FAM3C: variants seen among roughly 807,000 people sequenced by gnomAD.
FAM3C encodes protein FAM3C.
Under a neutral mutation model 32.5 loss-of-function variants are expected in FAM3C, and 15 were observed. The ratio of observed to expected loss-of-function variants is 0.46; its 90% CI spans 0.31 to 0.71. The LOEUF (loss-of-function observed/expected upper bound fraction) is 0.71. Among genes scored for constraint, FAM3C ranks in the 30% least tolerant of loss-of-function variants. The pLI, the probability that FAM3C is intolerant of heterozygous loss-of-function variation, is 0.05. For synonymous variants in FAM3C, 75 were observed against 86.1 expected, an observed-to-expected ratio of 0.87 and a Z score of 0.72; for missense variants, 175 against 274.4, an observed-to-expected ratio of 0.64 and a Z score of 2.56.
At chr7:121,375,767 C>T (rs548856938) in intron 3 of FAM3C, among the ~76,000 whole-genome samples, 32 of 152,298 alleles carry the variant, frequency 2.1e-4, no homozygotes, top group African/African-American at 7.2e-4. Context: ...TGGGTCTTTT[C>T]CCATGTAACT....
intron 3 of FAM3C, among the ~76,000 whole-genome samples, chr7:121,373,028 A>AT (rs1189384019): frequency 6.6e-6 from 1 of 152,238 alleles, no homozygotes; most frequent in African/African-American, 2.4e-5. Flanking sequence ...ACTCAGTAGA[A>AT]TATTATGCAC....
chr7:121,355,715 A>G (rs1013700205), intron 8 of FAM3C, among the ~76,000 whole-genome samples: 2 of 152,220 alleles, frequency 1.3e-5, no homozygotes, highest in South Asian at 2.1e-4. Context: ...TATTCCTGGT[A>G]GGGTACACTG....
At chr7:121,378,677 TAA>T (rs754894167) in intron 3 of FAM3C, among the ~76,000 whole-genome samples, 1 of 151,496 alleles carries the variant, frequency 6.6e-6, no homozygotes, top group African/African-American at 2.4e-5. Flanking sequence ...TAAAAATGTA[TAA>T]AATAGACTCA....
rs1793655329 is a variant in FAM3C at position 121,349,534 on chromosome 7, G to A, written c.*927C>T. The A allele has an allele frequency of 6.6e-6, 1 of 152,108 alleles. No individual in the cohort carries two copies. The highest frequency in any genetic ancestry group is 1.5e-5 in the Non-Finnish European group (1 of 67,972). 9.4% of individuals were successfully genotyped at this position (152,108 alleles called of 1,614,324 possible). A position where few individuals can be genotyped will look rare whatever the true frequency, so the allele number is the denominator to read the frequency against. On this transcript the variant is annotated 3_prime_UTR_variant, in exon 10 of 10. Transcript: ENST00000359943. ...GGCAATAATTGCTATTATGAAGTTA[G>A]ATAAACACAGGATTAATTTCTTGGT...
Position 121,352,687 on chromosome 7 carries a change from C to T in FAM3C, c.468-1418G>A, listed in dbSNP as rs564849326. Among the ~76,000 whole-genome samples, 41 of 152,332 alleles carry T rather than the reference C, an allele frequency of 2.7e-4. No homozygotes were observed. The South Asian group carries it at 8.1e-3, about 30-fold the overall frequency. Reference sequence around the variant, plus strand: ...TTCCTCTGCAGCTTCGTTTCCTGTGCCCATCCTTACATGAATTATCCATCA... The same window carrying T: ...TTCCTCTGCAGCTTCGTTTCCTGTGTCCATCCTTACATGAATTATCCATCA... On this transcript the variant is annotated intron_variant, in intron 8 of 9. Transcript: ENST00000359943.
intron 1 of FAM3C, among the ~76,000 whole-genome samples, chr7:121,392,496 C>G (rs1284557172): frequency 6.6e-6 from 1 of 152,186 alleles, no homozygotes; most frequent in Non-Finnish European, 1.5e-5. Flanking sequence ...AATCACTTCC[C>G]TCCCTCGACA....
At chr7:121,370,573 T>C (rs1053654857) in intron 5 of FAM3C, among the ~76,000 whole-genome samples, 13 of 152,196 alleles carry the variant, frequency 8.5e-5, no homozygotes, top group African/African-American at 2.9e-4. Flanking sequence ...GATTTGCAAT[T>C]TCAGCAGCAG....
intron 2 of FAM3C, 85 bp downstream of exon 2, chr7:121,382,872 G>T: frequency 9.8e-7 from 1 of 1,018,432 alleles, no homozygotes. Context: ...TCAATATAAA[G>T]ATTATTTAAC....
intron 9 of FAM3C, 27 bp from the exon 10 acceptor site, chr7:121,350,577 G>C (rs1461131451): frequency 6.2e-7 from 1 of 1,607,874 alleles, no homozygotes; most frequent in Non-Finnish European, 8.5e-7. Flanking sequence ...ATAATATACA[G>C]TTTAAAAAAC....
chr7:121,371,141 T>C (rs916287123), intron 5 of FAM3C, among the ~76,000 whole-genome samples, 159 bp downstream of exon 5: 3 of 151,738 alleles, frequency 2.0e-5, no homozygotes, highest in Admixed American at 6.6e-5. Context: ...AACTTTAAGG[T>C]CCCTTGAATT....
intron 1 of FAM3C, among the ~76,000 whole-genome samples, chr7:121,387,375 G>C (rs1386630134): frequency 6.6e-6 from 1 of 151,874 alleles, no homozygotes; most frequent in Non-Finnish European, 1.5e-5. Flanking sequence ...TTTTTTGCTG[G>C]GCTACGTGTA....
At chr7:121,391,710 C>T (rs1392323720) in intron 1 of FAM3C, among the ~76,000 whole-genome samples, 1 of 152,204 alleles carries the variant, frequency 6.6e-6, no homozygotes, top group Non-Finnish European at 1.5e-5. Flanking sequence ...ATGGTTCCAT[C>T]GCCCAAGGGT....
At chr7:121,376,870 C>T (rs1254686239) in intron 3 of FAM3C, among the ~76,000 whole-genome samples, 1 of 152,024 alleles carries the variant, frequency 6.6e-6, no homozygotes, top group Non-Finnish European at 1.5e-5. Context: ...AATCTCAGGC[C>T]CCACTCCAGA....
chr7:121,360,215 G>GT, intron 7 of FAM3C, 88 bp from the exon 8 acceptor site: 1 of 724,260 alleles, frequency 1.4e-6, no homozygotes, highest in Non-Finnish European at 2.5e-6. Flanking sequence ...AAAACATGAA[G>GT]TATCTGTAAA....
At chr7:121,367,664 A>G (rs1487412548) in intron 5 of FAM3C, among the ~76,000 whole-genome samples, 1 of 152,208 alleles carries the variant, frequency 6.6e-6, no homozygotes, top group Admixed American at 6.5e-5. Flanking sequence ...TATAATTGGA[A>G]CATAAGTTAG....
At chr7:121,361,513 A>G (rs961547157) in intron 7 of FAM3C, among the ~76,000 whole-genome samples, 4 of 152,340 alleles carry the variant, frequency 2.6e-5, no homozygotes, top group Non-Finnish European at 4.4e-5. Context: ...TGGTCACATG[A>G]CTGATTTCAA....
chr7:121,382,827 G>C, intron 2 of FAM3C, 130 bp downstream of exon 2: 1 of 670,948 alleles, frequency 1.5e-6, no homozygotes. Context: ...AAAAACAAAG[G>C]GCTGAATGAT....
chr7:121,378,605 T>G (rs79125101), intron 3 of FAM3C, among the ~76,000 whole-genome samples: 5,340 of 152,234 alleles, frequency 0.035, 189 homozygotes, highest in South Asian at 0.14. Flanking sequence ...AGGAAAACAA[T>G]TTAAGCCTGG....
chr7:121,381,738 A>T (rs1794361925), intron 2 of FAM3C, among the ~76,000 whole-genome samples: 1 of 151,180 alleles, frequency 6.6e-6, no homozygotes, highest in Non-Finnish European at 1.5e-5. Context: ...TAGACCACAA[A>T]CAAGTTCTTC....
Sources: gnomAD v4.1 joint callset for allele counts (sites outside exome capture counted in the v4.1 genomes callset) on GRCh38, gnomAD v4.1.1 for gene constraint, MANE v1.5 for transcripts, NCBI Gene and HGNC (gene_info 2026-07-23, HGNC 2026-07-21) for gene names.